AKAP9: variants seen among roughly 807,000 people sequenced by gnomAD.
AKAP9 encodes A-kinase anchor protein 9.
A neutral mutation model predicts 488.5 loss-of-function variants in AKAP9; 311 were observed. That is an observed-to-expected ratio of 0.64 (90% CI 0.58 to 0.70). The LOEUF is 0.70. Among genes scored for constraint, AKAP9 ranks in the 30% least tolerant of loss-of-function variants. AKAP9 has a pLI of 0.00. For missense variants in AKAP9, 4,215 were observed against 4,374.5 expected (o/e 0.96, Z 1.03); for synonymous variants, 1,462 against 1,483.5 (o/e 0.99, Z 0.33).
chr7:92,022,461 G>T, intron 13 of AKAP9, 109 bp downstream of exon 13: 1 of 776,716 alleles, frequency 1.3e-6, no homozygotes. Flanking sequence ...GCATTTCACT[G>T]TAGCCTCTCT....
At chr7:91,963,540 C>T (rs989654511) in intron 1 of AKAP9, among the ~76,000 whole-genome samples, 5 of 144,010 alleles carry the variant, frequency 3.5e-5, no homozygotes, top group East Asian at 4.3e-4. Context: ...ATTTTTGAGA[C>T]GGAGTCTTGC....
At chr7:91,995,995 A>G (rs1228353547) in intron 7 of AKAP9, 195 bp downstream of exon 7, 3 of 602,442 alleles carry the variant, frequency 5.0e-6, no homozygotes, top group Non-Finnish European at 8.7e-6. Flanking sequence ...TGAGTTCCCT[A>G]AAAGTGATCA....
chr7:92,005,708 C>T (rs185712347), intron 8 of AKAP9, among the ~76,000 whole-genome samples: 13 of 152,204 alleles, frequency 8.5e-5, no homozygotes, highest in South Asian at 4.1e-4. Context: ...CTCTGTCACC[C>T]GGGCTGGAGT....
chr7:92,094,832 G>A (rs985855845), intron 39 of AKAP9, among the ~76,000 whole-genome samples, 191 bp from the exon 40 acceptor site: 3 of 152,084 alleles, frequency 2.0e-5, no homozygotes, highest in South Asian at 2.1e-4. Flanking sequence ...ACTCCGTCTC[G>A]AAACAAAACA....
In AKAP9 at chr7:92,097,701, G is replaced by A. The variant is rs1816856154; in HGVS notation, c.10514G>A (p.Gly3505Glu). Residue 3505 changes from glycine to glutamate, a missense_variant, in exon 42 of 50, where the codon GGA (glycine) becomes GAA (glutamate). Around this residue, in one of 5 missense-constraint regions of AKAP9, gnomAD observed 1,476 missense variants for 1,477.4 expected, o/e 1.00. Transcript: ENST00000356239. The stretch of plus-strand genomic sequence containing the variant: ...AAATTGATTGAAATGAATGGAGGAG[G>A]AACCGGCTGTAATCATGAATTAGAA... ...YAKLIEMNGG[G>E]TGCNHELEMI... is the part of the protein sequence containing the mutation. 1 of 1,614,158 alleles carries A rather than the reference G, an allele frequency of 6.2e-7. No individual in the cohort carries two copies. The highest frequency in any genetic ancestry group is 2.2e-5 in the East Asian group (1 of 44,874).
intron 12 of AKAP9, among the ~76,000 whole-genome samples, chr7:92,020,037 G>A (rs1802109593): frequency 6.6e-6 from 1 of 151,800 alleles, no homozygotes; most frequent in African/African-American, 2.4e-5. Flanking sequence ...GAAAAGAAAT[G>A]TAGATAAATA....
chr7:92,015,765 A>G (rs1801429097), intron 10 of AKAP9, among the ~76,000 whole-genome samples: 3 of 152,164 alleles, frequency 2.0e-5, no homozygotes, highest in Middle Eastern at 3.2e-3. Context: ...CTGAACGTCC[A>G]TCCTTGTCCT....
chr7:92,057,371 G>A (rs1344908711), intron 22 of AKAP9, among the ~76,000 whole-genome samples: 1 of 151,958 alleles, frequency 6.6e-6, no homozygotes, highest in Non-Finnish European at 1.5e-5. Flanking sequence ...TTAATGGAAC[G>A]GAAAAACACC....
intron 12 of AKAP9, among the ~76,000 whole-genome samples, chr7:92,020,321 C>G (rs1802141129): frequency 6.6e-6 from 1 of 152,072 alleles, no homozygotes; most frequent in South Asian, 2.1e-4. Flanking sequence ...TGCATGCTGC[C>G]CTTTCTGCAT....
intron 2 of AKAP9, among the ~76,000 whole-genome samples, chr7:91,978,241 C>CAAAA (rs11295179): frequency 2.3e-5 from 2 of 88,724 alleles, no homozygotes; most frequent in African/African-American, 4.0e-5. Context: ...GACTCTGTCT[C>CAAAA]AAAAAAAAAA....
At position 92,097,330 on chromosome 7, in the gene AKAP9, A is replaced by G; in HGVS notation, c.10371A>G (p.Arg3457=). The G allele has an allele frequency of 6.2e-7, 1 of 1,613,608 alleles. No individual in the cohort carries two copies. Among genetic ancestry groups the G allele is most frequent in the Non-Finnish European group, 8.5e-7 (1 of 1,179,892 alleles). Residue 3457 remains arginine, a synonymous_variant, in exon 41 of 50, where the codon AGA becomes AGG. Coordinates refer to ENST00000356239, the MANE Select transcript of AKAP9 (RefSeq NM_005751.5). ...ELEREEKRES[R]RILYQNLNEP... Reference sequence around the variant, plus strand: ...AACGAGAAGAAAAACGAGAAAGTAGAAGAATTCTGTATCAGAACCTTAATG... The same window carrying G: ...AACGAGAAGAAAAACGAGAAAGTAGGAGAATTCTGTATCAGAACCTTAATG...
chr7:91,949,239 C>T (rs974359395), intron 1 of AKAP9, among the ~76,000 whole-genome samples: 2 of 152,062 alleles, frequency 1.3e-5, no homozygotes, highest in African/African-American at 2.4e-5. Flanking sequence ...GGTAGAAATA[C>T]GTATCCCCAG....
chr7:91,946,279 A>T (rs570733471), intron 1 of AKAP9, among the ~76,000 whole-genome samples: 4 of 152,156 alleles, frequency 2.6e-5, no homozygotes, highest in African/African-American at 9.7e-5. Flanking sequence ...TCATACTTAG[A>T]TGTGGCAGAG....
At chr7:91,944,279 C>T (rs1049961647) in intron 1 of AKAP9, among the ~76,000 whole-genome samples, 4 of 151,814 alleles carry the variant, frequency 2.6e-5, no homozygotes, top group Non-Finnish European at 5.9e-5. Flanking sequence ...AGATGTAAAT[C>T]GTGGCTATCT....
chr7:91,974,881 C>T (rs1481599203), intron 2 of AKAP9, among the ~76,000 whole-genome samples: 1 of 151,216 alleles, frequency 6.6e-6, no homozygotes, highest in African/African-American at 2.4e-5. Context: ...GATGGGTTCT[C>T]ACTCTGTCAC....
intron 32 of AKAP9, among the ~76,000 whole-genome samples, 177 bp from the exon 33 acceptor site, chr7:92,082,993 A>G (rs893175670): frequency 6.6e-6 from 1 of 152,204 alleles, no homozygotes; most frequent in Non-Finnish European, 1.5e-5. Context: ...CTATGACCAT[A>G]CGTACATACA....
intron 20 of AKAP9, among the ~76,000 whole-genome samples, chr7:92,044,153 A>G (rs1176858635): frequency 6.6e-6 from 1 of 152,210 alleles, no homozygotes; most frequent in Non-Finnish European, 1.5e-5. Context: ...GGCAGGAGGA[A>G]AAGTCTAGAA....
intron 46 of AKAP9, among the ~76,000 whole-genome samples, chr7:92,103,591 A>G (rs1224488429): frequency 6.6e-6 from 1 of 151,156 alleles, no homozygotes; most frequent in Non-Finnish European, 1.5e-5. Context: ...GCTACTTGGG[A>G]GGCTGAGGCA....
At chr7:92,059,251 C>T (rs1250029280) in intron 22 of AKAP9, among the ~76,000 whole-genome samples, 1 of 151,910 alleles carries the variant, frequency 6.6e-6, no homozygotes, top group East Asian at 1.9e-4. Flanking sequence ...TGAAATCTTA[C>T]ATTCTTCATA....
Sources: gnomAD v4.1 joint callset for allele counts (sites outside exome capture counted in the v4.1 genomes callset) on GRCh38, gnomAD v4.1.1 for gene constraint, gnomAD v4.1.1 regional missense constraint, MANE v1.5 for transcripts, NCBI Gene and HGNC (gene_info 2026-07-23, HGNC 2026-07-21) for gene names.